FRAS1: variants seen among roughly 807,000 people sequenced by gnomAD.
The protein encoded by FRAS1 is extracellular matrix organizing protein FRAS1.
A neutral mutation model predicts 435.2 loss-of-function variants in FRAS1; 290 were observed. The observed-to-expected ratio is 0.67, with a 90% CI of 0.61 to 0.73. The LOEUF (loss-of-function observed/expected upper bound fraction) is 0.73. FRAS1 is among the 30% of genes least tolerant of loss of function. The pLI, the probability that FRAS1 is intolerant of heterozygous loss-of-function variation, is 0.00. For synonymous variants in FRAS1, 1,800 were observed against 1,851.0 expected, an observed-to-expected ratio of 0.97 and a Z score of 0.71; for missense variants, 4,860 against 5,001.5, an observed-to-expected ratio of 0.97 and a Z score of 0.85.
chr4:78,539,507 A>AG, intron 73 of FRAS1, 67 bp downstream of exon 73: 2 of 1,308,856 alleles, frequency 1.5e-6, no homozygotes, highest in Non-Finnish European at 1.1e-6. Context: ...AAAAAAAAAA[A>AG]AAGAAGGAGG....
At chr4:78,149,969 G>A (rs866231190) in intron 2 of FRAS1, among the ~76,000 whole-genome samples, 6 of 152,186 alleles carry the variant, frequency 3.9e-5, no homozygotes, top group African/African-American at 1.4e-4. Flanking sequence ...GCAGTGGAGC[G>A]TGGACAAGTG....
At chr4:78,431,029 C>T (rs759696814) in intron 37 of FRAS1, among the ~76,000 whole-genome samples, 37 of 152,302 alleles carry the variant, frequency 2.4e-4, no homozygotes, top group Admixed American at 5.9e-4. Context: ...ATAGTCAGCC[C>T]TTATTCATTG....
Position 78,519,181 on chromosome 4 carries a change from AAG to A in FRAS1, c.10390-149_10390-148del. The A allele has an allele frequency of 1.3e-5, 5 of 396,942 alleles. 2 individuals are homozygous for A. The highest frequency in any genetic ancestry group is 4.6e-5 in the African/African-American group (2 of 43,744). 24.6% of individuals were successfully genotyped at this position (396,942 alleles called of 1,614,324 possible). A position where few individuals can be genotyped will look rare whatever the true frequency, so the allele number is the denominator to read the frequency against. The stretch of plus-strand genomic sequence containing the variant: ...CATTAGTTCCTTTATTTTTTTAAAT[AAG>A]TAAGTGCAATCATGGGCACTTGCTT... On this transcript the variant is annotated intron_variant, in intron 66 of 73. Coordinates refer to ENST00000512123, the MANE Select transcript of FRAS1 (RefSeq NM_025074.7).
chr4:78,188,637 A>G (rs1447420975), intron 2 of FRAS1, among the ~76,000 whole-genome samples: 2 of 152,186 alleles, frequency 1.3e-5, no homozygotes, highest in Non-Finnish European at 2.9e-5. Flanking sequence ...CCTTCACAGT[A>G]ATGCCTAGAT....
At chr4:78,417,224 TTA>T (rs1434822492) in intron 32 of FRAS1, among the ~76,000 whole-genome samples, 1 of 152,326 alleles carries the variant, frequency 6.6e-6, no homozygotes, top group Admixed American at 6.5e-5. Context: ...AAATAGACTG[TTA>T]TCTTGGCTGG....
Position 78,267,893 on chromosome 4 carries a change from A to G in FRAS1, c.981+461A>G, listed in dbSNP as rs568580545. On this transcript the variant is annotated intron_variant, in intron 9 of 73. Transcript: ENST00000512123. Reference sequence around the variant, plus strand: ...GGGCCGCTTCCGTGGATCAGGAAAAAACATAACATGCTTTTTGTTTTTAAG... The same window carrying G: ...GGGCCGCTTCCGTGGATCAGGAAAAGACATAACATGCTTTTTGTTTTTAAG... Among the ~76,000 whole-genome samples, 8 of 152,278 alleles carry G rather than the reference A, an allele frequency of 5.3e-5. 2 individuals are homozygous for G. The highest frequency in any genetic ancestry group is 1.9e-4 in the African/African-American group (8 of 41,566).
chr4:78,304,452 C>T (rs979341950), intron 14 of FRAS1, among the ~76,000 whole-genome samples: 7 of 152,168 alleles, frequency 4.6e-5, no homozygotes, highest in African/African-American at 1.7e-4. Flanking sequence ...ACCAGTTCCT[C>T]CTTGTACCTC....
chr4:78,468,946 A>G (rs1719620952), intron 50 of FRAS1, among the ~76,000 whole-genome samples: 1 of 152,176 alleles, frequency 6.6e-6, no homozygotes, highest in Non-Finnish European at 1.5e-5. Flanking sequence ...AGAGACAAAC[A>G]GTCTGTGAGA....
intron 2 of FRAS1, among the ~76,000 whole-genome samples, chr4:78,078,330 A>AT (rs1423836619): frequency 6.6e-6 from 1 of 152,206 alleles, no homozygotes; most frequent in Non-Finnish European, 1.5e-5. Context: ...ATTTTTAAAA[A>AT]GCATGTTTGT....
At chr4:78,335,071 C>T (rs531157781) in intron 19 of FRAS1, among the ~76,000 whole-genome samples, 221 of 152,226 alleles carry the variant, frequency 1.5e-3, no homozygotes, top group African/African-American at 5.1e-3. Context: ...CATTTCTTTT[C>T]ACATAAGAAA....
chr4:78,216,315 A>G (rs1419453286), intron 2 of FRAS1, among the ~76,000 whole-genome samples: 1 of 152,180 alleles, frequency 6.6e-6, no homozygotes, highest in Non-Finnish European at 1.5e-5. Flanking sequence ...GATGAATATA[A>G]CTATTATTCT....
rs556807363 is a variant in FRAS1, at chr4:78,095,602, A to T, written c.108+29586A>T. Among the ~76,000 whole-genome samples, 3 of 152,232 alleles carry T rather than the reference A, an allele frequency of 2.0e-5. No individual in the cohort carries two copies. In the South Asian group the frequency reaches 6.2e-4, roughly 32 times the overall value. On this transcript the variant is annotated intron_variant, in intron 2 of 73. Transcript: ENST00000512123. The stretch of plus-strand genomic sequence containing the variant: ...ATATAATTCCAAGTGGCTGTGGAGG[A>T]GTCCTCACAATCATGGCGGAAGCCA...
chr4:78,193,023 G>A (rs1274472764), intron 2 of FRAS1, among the ~76,000 whole-genome samples: 2 of 152,042 alleles, frequency 1.3e-5, no homozygotes, highest in Admixed American at 6.6e-5. Flanking sequence ...CCTTCATTTC[G>A]TTATGTACCC....
Position 78,111,655 on chromosome 4 carries a change from T to G in FRAS1, c.108+45639T>G, listed in dbSNP as rs565772847. Among the ~76,000 whole-genome samples, 175 of 112,714 alleles carry G rather than the reference T, an allele frequency of 1.6e-3. 1 individual carries two copies. Among genetic ancestry groups the G allele is most frequent in the Admixed American group, 4.7e-3 (50 of 10,608 alleles). The allele number at this position is 112,714 out of a possible 152,430, so 73.9% of individuals were successfully genotyped here. ...ATTGGGAGATATACCTAATGCTAGA[T>G]GACACATTAGTGGGTGCAGCGCACC... is the stretch of plus-strand genomic sequence containing the variant. On this transcript the variant is annotated intron_variant, in intron 2 of 73. Transcript: ENST00000512123.
intron 2 of FRAS1, among the ~76,000 whole-genome samples, chr4:78,180,109 A>G (rs927272331): frequency 2.0e-5 from 3 of 152,192 alleles, no homozygotes; most frequent in Non-Finnish European, 4.4e-5. Context: ...CATTCATTCA[A>G]CAACAAATTG....
At chr4:78,066,278 G>T (rs1171425889) in intron 2 of FRAS1, among the ~76,000 whole-genome samples, 1 of 152,068 alleles carries the variant, frequency 6.6e-6, no homozygotes, top group East Asian at 1.9e-4. Context: ...GCTGTTCTTT[G>T]TGTTCTTTTA....
chr4:78,412,909 G>A (rs201603802), intron 31 of FRAS1, 60 bp from the exon 32 acceptor site: 39 of 988,836 alleles, frequency 3.9e-5, no homozygotes, highest in African/African-American at 6.8e-5. Flanking sequence ...AAAAACCCAC[G>A]TACTAACATG....
intron 69 of FRAS1, among the ~76,000 whole-genome samples, chr4:78,523,422 A>G (rs1216575345): frequency 3.3e-5 from 5 of 152,170 alleles, no homozygotes; most frequent in Non-Finnish European, 7.3e-5. Flanking sequence ...TCCCAGACCC[A>G]ATATAGAGGT....
rs7660664 is a variant in FRAS1, at chr4:78,466,288, C to T, written c.7110C>T (p.His2370=). 0.35 allele frequency: 561,956 copies of T among 1,613,504 alleles called. 100,913 individuals carry two copies. Among genetic ancestry groups the T allele is most frequent in the African/African-American group, 0.49 (36,453 of 74,940 alleles). The change falls in exon 50 of 74, where the codon CAC becomes CAT. Residue 2370 remains histidine (H), a synonymous_variant. Coordinates refer to ENST00000512123, the MANE Select transcript of FRAS1 (RefSeq NM_025074.7). ...GAACCAGCAATGGGCAGCATTTCCA[C>T]CTCACCTCCACCTTCACCATGAAAG... is the stretch of plus-strand genomic sequence containing the variant. ...IERTSNGQHF[H]LTSTFTMKDI...
Sources: gnomAD v4.1 joint callset for allele counts (sites outside exome capture counted in the v4.1 genomes callset) on GRCh38, gnomAD v4.1.1 for gene constraint, MANE v1.5 for transcripts, NCBI Gene and HGNC (gene_info 2026-07-23, HGNC 2026-07-21) for gene names.